Variants in ROR1 observed in about 807,000 individuals in gnomAD.
ROR1 encodes the protein inactive tyrosine-protein kinase transmembrane receptor ROR1.
In ROR1, 19 loss-of-function variants were observed where a neutral mutation model predicts 78.8. The ratio of observed to expected loss-of-function variants is 0.24; its 90% CI spans 0.17 to 0.35. The LOEUF is 0.35. Among genes scored for constraint, ROR1 ranks in the 10% least tolerant of loss-of-function variants. The probability of loss-of-function intolerance (pLI) is 1.00; values close to 1 mark genes in which losing one functional copy is unlikely to be tolerated. For synonymous variants in ROR1, 386 were observed against 433.6 expected (o/e 0.89, Z 1.36); for missense variants, 917 against 1,177.8 (o/e 0.78, Z 3.24).
intron 1 of ROR1, among the ~76,000 whole-genome samples, chr1:63,863,910 G>C (rs1376446921): frequency 6.6e-6 from 1 of 152,080 alleles, no homozygotes; most frequent in Non-Finnish European, 1.5e-5. Flanking sequence ...ATCAATGCTA[G>C]CATTAACTAC....
At chr1:63,879,565 G>T (rs1359672955) in intron 1 of ROR1, among the ~76,000 whole-genome samples, 1 of 152,134 alleles carries the variant, frequency 6.6e-6, no homozygotes, top group Non-Finnish European at 1.5e-5. Context: ...TCTCTAGTCA[G>T]ATAGGTTTGC....
chr1:63,868,157 T>C (rs1645228853), intron 1 of ROR1, among the ~76,000 whole-genome samples: 1 of 152,220 alleles, frequency 6.6e-6, no homozygotes, highest in Non-Finnish European at 1.5e-5. Flanking sequence ...TGTTTTGTTT[T>C]TTTGTTTTTG....
At chr1:64,152,002 A>C (rs986914156) in intron 7 of ROR1, among the ~76,000 whole-genome samples, 3 of 152,190 alleles carry the variant, frequency 2.0e-5, no homozygotes, top group African/African-American at 7.2e-5. Flanking sequence ...ATTGCCAGAC[A>C]TCTCCAGAGA....
At chr1:63,957,865 C>T (rs1221795807) in intron 1 of ROR1, among the ~76,000 whole-genome samples, 2 of 151,972 alleles carry the variant, frequency 1.3e-5, no homozygotes, top group African/African-American at 4.8e-5. Context: ...GCCTCAGCCT[C>T]CCGAGTAGCT....
At chr1:64,079,082 T>G (rs916882594) in intron 4 of ROR1, among the ~76,000 whole-genome samples, 1 of 152,170 alleles carries the variant, frequency 6.6e-6, no homozygotes, top group Admixed American at 6.5e-5. Context: ...GATTTCAGGT[T>G]CAGACATCTG....
chr1:63,777,629 C>T (rs1391009850), intron 1 of ROR1, among the ~76,000 whole-genome samples: 1 of 152,204 alleles, frequency 6.6e-6, no homozygotes, highest in Non-Finnish European at 1.5e-5. Context: ...CCTTTCTCTT[C>T]TGTATCTTGA....
chr1:64,093,900 C>G (rs904759058), intron 4 of ROR1, among the ~76,000 whole-genome samples: 6 of 152,152 alleles, frequency 3.9e-5, no homozygotes, highest in Non-Finnish European at 8.8e-5. Context: ...GTCTTTAATT[C>G]TCAAAGCAAC....
chr1:64,122,294 A>G (rs1219563606), intron 4 of ROR1, among the ~76,000 whole-genome samples: 1 of 152,198 alleles, frequency 6.6e-6, no homozygotes, highest in African/African-American at 2.4e-5. Context: ...GAGGATGGGG[A>G]AGAAGGAACT....
At chr1:64,157,733 A>G (rs1207921059) in intron 7 of ROR1, among the ~76,000 whole-genome samples, 2 of 152,108 alleles carry the variant, frequency 1.3e-5, no homozygotes, top group African/African-American at 4.8e-5. Flanking sequence ...AGGACATGTC[A>G]TTATCTTTCT....
chr1:64,029,606 AT>A, intron 2 of ROR1, among the ~76,000 whole-genome samples: 1 of 152,190 alleles, frequency 6.6e-6, no homozygotes, highest in South Asian at 2.1e-4. Flanking sequence ...TGCCTTACAG[AT>A]GGCCACTGGC....
intron 4 of ROR1, among the ~76,000 whole-genome samples, chr1:64,137,151 T>C (rs1209780536): frequency 6.6e-6 from 1 of 152,224 alleles, no homozygotes; most frequent in East Asian, 1.9e-4. Flanking sequence ...GATGATTTTG[T>C]GCTTCAGGAT....
intron 4 of ROR1, among the ~76,000 whole-genome samples, chr1:64,122,552 G>T (rs1648579541): frequency 6.6e-6 from 1 of 152,194 alleles, no homozygotes; most frequent in Admixed American, 6.5e-5. Flanking sequence ...CTTGTCCACT[G>T]CTGTGGCCCC....
chr1:64,054,101 G>A (rs1031170373), intron 4 of ROR1, among the ~76,000 whole-genome samples: 3 of 151,784 alleles, frequency 2.0e-5, no homozygotes, highest in East Asian at 1.9e-4. Flanking sequence ...CCACAGGCAC[G>A]CACTACCGTG....
intron 1 of ROR1, among the ~76,000 whole-genome samples, chr1:63,931,946 ACT>A (rs1645755904): frequency 6.6e-6 from 1 of 152,194 alleles, no homozygotes; most frequent in African/African-American, 2.4e-5. Context: ...AGGGTTCTGT[ACT>A]ATACATGATT....
intron 1 of ROR1, among the ~76,000 whole-genome samples, chr1:63,944,685 T>A (rs1288449397): frequency 6.6e-6 from 1 of 152,200 alleles, no homozygotes; most frequent in Non-Finnish European, 1.5e-5. Flanking sequence ...TTGTTTTAAA[T>A]GGAAAGATGT....
intron 4 of ROR1, among the ~76,000 whole-genome samples, chr1:64,080,229 A>G (rs1468726037): frequency 6.6e-6 from 1 of 152,178 alleles, no homozygotes; most frequent in African/African-American, 2.4e-5. Context: ...TGACCCTCAG[A>G]GGGCATTTGA....
At position 64,080,819 on chromosome 1, in the gene ROR1, A is replaced by G. The variant is rs1020062807; in HGVS notation, c.482+30103A>G. 3.9e-5 allele frequency among the ~76,000 whole-genome samples: 6 copies of G among 152,338 alleles called. No homozygotes were observed. In the East Asian group the frequency reaches 9.6e-4, roughly 24 times the overall value. The stretch of plus-strand genomic sequence containing the variant: ...CACTGTCTTTAAAAGATTGGACAGT[A>G]GAGCTCAGCCATGAAGGGCCCCTGT... On this transcript the variant is annotated intron_variant, in intron 4 of 8. Transcript: ENST00000371079.
intron 1 of ROR1, among the ~76,000 whole-genome samples, chr1:63,848,011 T>C: frequency 6.6e-6 from 1 of 152,224 alleles, no homozygotes; most frequent in East Asian, 1.9e-4. Flanking sequence ...TTTTGTTTCC[T>C]AAGTGATTTA....
At chr1:64,120,793 G>T (rs1045025814) in intron 4 of ROR1, among the ~76,000 whole-genome samples, 4 of 152,098 alleles carry the variant, frequency 2.6e-5, no homozygotes, top group African/African-American at 9.7e-5. Context: ...TATTATTTAG[G>T]GTTCAGTCTA....
Sources: allele counts gnomAD v4.1 joint callset (sites outside exome capture counted in the v4.1 genomes callset), GRCh38; gene constraint gnomAD v4.1.1; transcripts MANE v1.5; gene names NCBI Gene and HGNC (gene_info 2026-07-23, HGNC 2026-07-21).